The following CSMD1 variants were observed in gnomAD, a reference collection of about 807,000 sequenced individuals.
The protein encoded by CSMD1 is CUB and sushi domain-containing protein 1.
A neutral mutation model predicts 417.5 loss-of-function variants in CSMD1; 213 were observed. The observed-to-expected ratio is 0.51, with a 90% CI of 0.46 to 0.57. The LOEUF (loss-of-function observed/expected upper bound fraction) is 0.57. CSMD1 is among the 20% of genes least tolerant of loss of function. The pLI, the probability that CSMD1 is intolerant of heterozygous loss-of-function variation, is 0.00. For synonymous variants in CSMD1, 2,862 were observed against 1,736.8 expected, an observed-to-expected ratio of 1.65 and a Z score of -16.11; for missense variants, 6,923 against 4,529.7, an observed-to-expected ratio of 1.53 and a Z score of -15.17.
chr8:3,605,991 A>G (rs1172931091), intron 8 of CSMD1, among the ~76,000 whole-genome samples: 1 of 152,228 alleles, frequency 6.6e-6, no homozygotes, highest in Non-Finnish European at 1.5e-5. Context: ...GGGTCCGGTC[A>G]TATAAAATCA....
intron 12 of CSMD1, among the ~76,000 whole-genome samples, chr8:3,434,338 T>G (rs537236693): frequency 1.3e-5 from 2 of 152,212 alleles, no homozygotes; most frequent in South Asian, 4.1e-4. Flanking sequence ...CTATATGTAA[T>G]ACCAAAATTA....
chr8:3,552,370 C>T (rs1798954585), intron 10 of CSMD1, among the ~76,000 whole-genome samples: 1 of 152,062 alleles, frequency 6.6e-6, no homozygotes, highest in African/African-American at 2.4e-5. Flanking sequence ...AACTAAATCT[C>T]CATGACATTT....
chr8:3,980,357 G>C (rs1025736824), intron 5 of CSMD1, among the ~76,000 whole-genome samples: 6 of 147,102 alleles, frequency 4.1e-5, no homozygotes, highest in Admixed American at 6.7e-5. Context: ...CTGAATTTCA[G>C]CTTTAACGCG....
At chr8:3,576,653 C>G (rs1413836392) in intron 9 of CSMD1, among the ~76,000 whole-genome samples, 1 of 152,174 alleles carries the variant, frequency 6.6e-6, no homozygotes, top group Non-Finnish European at 1.5e-5. Flanking sequence ...GTTTCCGAAA[C>G]TCAGTAGGTG....
intron 5 of CSMD1, among the ~76,000 whole-genome samples, chr8:3,772,452 T>C (rs184160224): frequency 1.4e-5 from 1 of 71,558 alleles, no homozygotes; most frequent in Non-Finnish European, 2.2e-5. Context: ...TATATACACA[T>C]ATATATACAT....
intron 3 of CSMD1, among the ~76,000 whole-genome samples, chr8:4,167,171 A>G (rs1797503256): frequency 6.6e-6 from 1 of 152,208 alleles, no homozygotes; most frequent in South Asian, 2.1e-4. Flanking sequence ...TCTGAAGTAG[A>G]AAACCAGATA....
At chr8:4,753,529 G>C (rs1030428900) in intron 1 of CSMD1, among the ~76,000 whole-genome samples, 2 of 151,348 alleles carry the variant, frequency 1.3e-5, no homozygotes, top group Non-Finnish European at 2.9e-5. Context: ...CTCGTTGCTC[G>C]GTATACTAAG....
chr8:4,183,939 C>A (rs145481507), intron 3 of CSMD1, among the ~76,000 whole-genome samples: 3 of 152,248 alleles, frequency 2.0e-5, no homozygotes, highest in African/African-American at 4.8e-5. Flanking sequence ...TCTGGGAAAC[C>A]TATGAACTGC....
intron 7 of CSMD1, among the ~76,000 whole-genome samples, chr8:3,693,456 A>T (rs1252978050): frequency 6.6e-6 from 1 of 152,138 alleles, no homozygotes; most frequent in African/African-American, 2.4e-5. Flanking sequence ...TATTGATACG[A>T]GGAGTTGATA....
At chr8:3,867,652 G>A (rs1277140120) in intron 5 of CSMD1, among the ~76,000 whole-genome samples, 1 of 151,926 alleles carries the variant, frequency 6.6e-6, no homozygotes, top group Non-Finnish European at 1.5e-5. Flanking sequence ...TCTATGTATA[G>A]TATCTTGGTT....
At chr8:3,523,938 C>G (rs1418992266) in intron 10 of CSMD1, among the ~76,000 whole-genome samples, 1 of 150,046 alleles carries the variant, frequency 6.7e-6, no homozygotes, top group African/African-American at 2.5e-5. Context: ...CATGCACACT[C>G]AGACACGTGC....
At chr8:3,432,537 G>C (rs965650434) in intron 12 of CSMD1, among the ~76,000 whole-genome samples, 1 of 128,834 alleles carries the variant, frequency 7.8e-6, no homozygotes, top group African/African-American at 2.9e-5. Context: ...TTGAGATGGA[G>C]TCTCACTTTG....
chr8:4,132,663 T>C (rs1381237917), intron 3 of CSMD1, among the ~76,000 whole-genome samples: 1 of 152,146 alleles, frequency 6.6e-6, no homozygotes, highest in Non-Finnish European at 1.5e-5. Flanking sequence ...TCACAACTCA[T>C]GACAAACCTG....
At chr8:4,595,373 G>A (rs1269363557) in intron 2 of CSMD1, among the ~76,000 whole-genome samples, 5 of 152,160 alleles carry the variant, frequency 3.3e-5, no homozygotes, top group East Asian at 3.9e-4. Context: ...TTTGTCTATT[G>A]ATGCATTCAT....
chr8:4,901,964 C>A (rs1449986880), intron 1 of CSMD1, among the ~76,000 whole-genome samples: 1 of 152,016 alleles, frequency 6.6e-6, no homozygotes, highest in Non-Finnish European at 1.5e-5. Flanking sequence ...GGTCAAATAC[C>A]AAAGACATAA....
chr8:3,688,910 T>C (rs944306285), intron 7 of CSMD1, among the ~76,000 whole-genome samples: 4 of 152,004 alleles, frequency 2.6e-5, no homozygotes, highest in Non-Finnish European at 1.5e-5. Context: ...GGAGCAAACT[T>C]AAAAAGTTAA....
At chr8:4,206,732 TA>T (rs1457445380) in intron 3 of CSMD1, among the ~76,000 whole-genome samples, 1 of 152,206 alleles carries the variant, frequency 6.6e-6, no homozygotes, top group Non-Finnish European at 1.5e-5. Context: ...ATAGTATTTC[TA>T]GAGGATTTCA....
At chr8:3,110,524 C>T (rs1304606807) in intron 42 of CSMD1, among the ~76,000 whole-genome samples, 189 bp from the exon 43 acceptor site, 3 of 152,210 alleles carry the variant, frequency 2.0e-5, no homozygotes, top group Non-Finnish European at 2.9e-5. Context: ...AATTATACGT[C>T]TAAGCTAAAT....
chr8:3,542,244 G>A (rs1040995469), intron 10 of CSMD1, among the ~76,000 whole-genome samples: 1 of 152,058 alleles, frequency 6.6e-6, no homozygotes, highest in South Asian at 2.1e-4. Context: ...GTGACATACT[G>A]TCATAAATTC....
Sources: gnomAD v4.1 joint callset for allele counts (sites outside exome capture counted in the v4.1 genomes callset) on GRCh38, gnomAD v4.1.1 for gene constraint, MANE v1.5 for transcripts, NCBI Gene and HGNC (gene_info 2026-07-23, HGNC 2026-07-21) for gene names.